SLC19A3: variants seen among roughly 807,000 people sequenced by gnomAD.
The protein encoded by SLC19A3 is thiamine transporter 2.
Under a neutral mutation model 40.2 loss-of-function variants are expected in SLC19A3, and 31 were observed. The ratio of observed to expected loss-of-function variants is 0.77; its 90% CI spans 0.58 to 1.04. SLC19A3 has a LOEUF of 1.04. Ranked by LOEUF, SLC19A3 falls within the 50% of genes least tolerant of loss-of-function variation. SLC19A3 has a pLI of 0.00. For synonymous variants in SLC19A3, 212 were observed against 227.5 expected (o/e 0.93, Z 0.61); for missense variants, 592 against 596.7 (o/e 0.99, Z 0.08).
chr2:227,699,663 G>A (rs746926483), intron 2 of SLC19A3, 99 bp from the exon 3 acceptor site: 10 of 976,780 alleles, frequency 1.0e-5, no homozygotes, highest in East Asian at 2.4e-5. Context: ...GAAATTATTC[G>A]CATTACGGAG....
intron 1 of SLC19A3, among the ~76,000 whole-genome samples, chr2:227,716,142 T>A (rs1696327815): frequency 6.6e-6 from 1 of 152,190 alleles, no homozygotes; most frequent in African/African-American, 2.4e-5. Flanking sequence ...TTTACAACTC[T>A]GTAAATTTTA....
chr2:227,709,252 C>A (rs755883426), intron 1 of SLC19A3, among the ~76,000 whole-genome samples: 1 of 152,048 alleles, frequency 6.6e-6, no homozygotes, highest in African/African-American at 2.4e-5. Context: ...GAGGCTGAGG[C>A]GGGTGGATGA....
Position 227,702,147 on chromosome 2 carries a change from A to T in SLC19A3, c.150+22T>A, listed in dbSNP as rs777385177. The stretch of plus-strand genomic sequence containing the variant: ...ATAAAATTTAAAAAACCACATTAAG[A>T]TATGTATGTATGTTAACTTACCTCT... On this transcript the variant is annotated intron_variant, in intron 2 of 5. Coordinates refer to ENST00000644224, the MANE Select transcript of SLC19A3 (RefSeq NM_025243.4). 5 of 1,599,842 alleles carry T rather than the reference A, an allele frequency of 3.1e-6. No homozygotes were observed. The South Asian group carries it at 3.3e-5, about 11-fold the overall frequency.
At position 227,715,291 on chromosome 2, in the gene SLC19A3, A is replaced by G. The variant is rs867312128; in HGVS notation, c.-3+2652T>C. 1.1e-4 allele frequency among the ~76,000 whole-genome samples: 16 copies of G among 152,202 alleles called. No individual in the cohort carries two copies. The South Asian group carries it at 2.7e-3, about 26-fold the overall frequency. Reference sequence around the variant, plus strand: ...AATCTTTGCTGAAATAAAGCATGCCACACAACTTCCAAAGACGTAAACTAG... The same window carrying G: ...AATCTTTGCTGAAATAAAGCATGCCGCACAACTTCCAAAGACGTAAACTAG... On this transcript the variant is annotated intron_variant, in intron 1 of 5. Transcript: ENST00000644224.
intron 1 of SLC19A3, among the ~76,000 whole-genome samples, chr2:227,714,826 T>A (rs1696277711): frequency 6.9e-6 from 1 of 144,356 alleles, no homozygotes; most frequent in Non-Finnish European, 1.5e-5. Context: ...TTTTTTTTTT[T>A]TTGAGACAGA....
chr2:227,701,057 G>A lies in SLC19A3; in HGVS notation c.150+1112C>T, dbSNP rs770162125. The A allele has an allele frequency of 1.0e-5, 13 of 1,304,004 alleles. No individual in the cohort carries two copies. In the Admixed American group the frequency reaches 1.1e-4, roughly 12 times the overall value. The allele number at this position is 1,304,004 out of a possible 1,614,324, so 80.8% of individuals were successfully genotyped here. On this transcript the variant is annotated intron_variant, in intron 2 of 5. Coordinates refer to ENST00000644224, the MANE Select transcript of SLC19A3 (RefSeq NM_025243.4). ...CAGAACCCAGTGGATTCATTGAGTT[G>A]CTTCTGACCCTGCATCTGTCCTTTG...
intron 1 of SLC19A3, among the ~76,000 whole-genome samples, chr2:227,704,319 C>A (rs55975119): frequency 0.16 from 24,651 of 152,212 alleles, 2,466 homozygotes; most frequent in African/African-American, 0.28. Flanking sequence ...GCATGCCTTA[C>A]AGGACAGAAA....
rs767146802 is a variant in SLC19A3 at position 227,699,108 on chromosome 2, G to A, written c.607C>T (p.Pro203Ser). ...GATGACTTCTTTATTTCTCTGCTGG[G>A]TTTTGCATGAAAAAACATGCTTTTC... ...PKKSMFFHAKPSREIKKSSSV... is the reference protein window; with the variant it reads ...PKKSMFFHAKSSREIKKSSSV... The change falls in exon 3 of 6, where the codon CCC becomes TCC. Residue 203 changes from proline (P) to serine (S), a missense_variant. Coordinates refer to ENST00000644224, the MANE Select transcript of SLC19A3 (RefSeq NM_025243.4). The A allele has an allele frequency of 5.6e-5, 90 of 1,614,132 alleles. No homozygotes were observed. Among genetic ancestry groups the A allele is most frequent in the Non-Finnish European group, 7.5e-5 (88 of 1,180,032 alleles).
At position 227,685,863 on chromosome 2, in the gene SLC19A3, T is replaced by G; in HGVS notation, c.*1534A>C. On this transcript the variant is annotated 3_prime_UTR_variant, in exon 6 of 6. Coordinates refer to ENST00000644224, the MANE Select transcript of SLC19A3 (RefSeq NM_025243.4). The stretch of plus-strand genomic sequence containing the variant: ...AAAAATGTTAACAACTCTTTAAAAT[T>G]TTTACACATTTTATTTAGCACAATT... The G allele has an allele frequency of 6.2e-6, 1 of 162,242 alleles. No individual in the cohort carries two copies. Among genetic ancestry groups the G allele is most frequent in the Non-Finnish European group, 1.4e-5 (1 of 73,882 alleles). 10.1% of individuals were successfully genotyped at this position (162,242 alleles called of 1,614,324 possible). A position where few individuals can be genotyped will look rare whatever the true frequency, so the allele number is the denominator to read the frequency against.
At chr2:227,689,745 C>G (rs1209477766) in intron 4 of SLC19A3, among the ~76,000 whole-genome samples, 1 of 152,146 alleles carries the variant, frequency 6.6e-6, no homozygotes, top group Non-Finnish European at 1.5e-5. Flanking sequence ...GTAAACTACT[C>G]TCATAAGTAG....
chr2:227,714,941 T>C (rs937677809), intron 1 of SLC19A3, among the ~76,000 whole-genome samples: 10 of 150,558 alleles, frequency 6.6e-5, no homozygotes, highest in Non-Finnish European at 1.5e-4. Context: ...CACCTCAGTC[T>C]CCTGAGTAGC....
rs1695586986 is a variant in SLC19A3, at chr2:227,699,444, T to A, written c.271A>T (p.Ile91Phe). Residue 91 changes from isoleucine (I) to phenylalanine (F), a missense_variant, in exon 3 of 6, where the codon ATC (isoleucine) becomes TTC (phenylalanine). By Grantham distance (21) the Ile-to-Phe change is conservative. Transcript: ENST00000644224. ...PVIILQGISF[I>F]ITWLLLLFGQ... ...AACAACAGCAGCAGCCAGGTAATGA[T>A]GAAACTGATACCTTGCAAGATGATG... The A allele has an allele frequency of 2.5e-6, 4 of 1,614,110 alleles. No homozygotes were observed. The highest frequency in any genetic ancestry group is 8.5e-7 in the Non-Finnish European group (1 of 1,180,034).
chr2:227,689,643 C>A (rs149593581), intron 4 of SLC19A3, among the ~76,000 whole-genome samples: 1 of 152,064 alleles, frequency 6.6e-6, no homozygotes, highest in Admixed American at 6.6e-5. Flanking sequence ...GACGTTCATG[C>A]GCAATAAGAA....
chr2:227,690,450 G>A (rs1695177962), intron 4 of SLC19A3, among the ~76,000 whole-genome samples: 2 of 152,060 alleles, frequency 1.3e-5, no homozygotes, highest in South Asian at 4.1e-4. Flanking sequence ...GCTCATGCCT[G>A]TAATCCCAGC....
In SLC19A3 at chr2:227,687,524, A is replaced by G. The variant is rs1308805272; in HGVS notation, c.1364T>C (p.Met455Thr). 1.2e-6 allele frequency: 2 copies of G among 1,614,010 alleles called. No homozygotes were observed. The highest frequency in any genetic ancestry group is 8.5e-7 in the Non-Finnish European group (1 of 1,179,996). ...YFAVIAGIFL[M>T]RSMYITYSTK... ...TGAGTAGGTAATATACATGCTTCTCATTAGGAAAATTCCAGCAATTACTGC... is the reference window on the plus strand; with the variant it reads ...TGAGTAGGTAATATACATGCTTCTCGTTAGGAAAATTCCAGCAATTACTGC... The change falls in exon 6 of 6, where the codon ATG becomes ACG. Residue 455 changes from methionine to threonine, a missense_variant. Met to Thr is a moderately conservative substitution (Grantham distance 81). Coordinates refer to ENST00000644224, the MANE Select transcript of SLC19A3 (RefSeq NM_025243.4).
intron 1 of SLC19A3, among the ~76,000 whole-genome samples, chr2:227,711,170 C>G (rs1025942439): frequency 6.6e-6 from 1 of 152,136 alleles, no homozygotes; most frequent in Non-Finnish European, 1.5e-5. Flanking sequence ...TTAATCCCAG[C>G]ATTTTGGGAG....
Position 227,703,738 on chromosome 2 carries a change from C to T in SLC19A3, c.-2-1418G>A, listed in dbSNP as rs1346773507. On this transcript the variant is annotated intron_variant, in intron 1 of 5. Coordinates refer to ENST00000644224, the MANE Select transcript of SLC19A3 (RefSeq NM_025243.4). This position sits in a 1 kb window ranked among gnomAD's most constrained non-coding sequence, Gnocchi z 4.7. Reference sequence around the variant, plus strand: ...CAGGTGATCACTGAGGCTTGGTCATCTTCTGAAGAGTGGTCTTGCTGGGGT... The same window carrying T: ...CAGGTGATCACTGAGGCTTGGTCATTTTCTGAAGAGTGGTCTTGCTGGGGT... Among the ~76,000 whole-genome samples the T allele has an allele frequency of 6.6e-6, 1 of 152,126 alleles. No individual in the cohort carries two copies. The highest frequency in any genetic ancestry group is 2.4e-5 in the African/African-American group (1 of 41,444).
At chr2:227,687,597 C>T in intron 5 of SLC19A3, 24 bp from the exon 6 acceptor site, 1 of 1,609,512 alleles carries the variant, frequency 6.2e-7, no homozygotes, top group Non-Finnish European at 8.5e-7. Flanking sequence ...AATAATTAGC[C>T]ACATATAAAA....
chr2:227,697,703 C>T (rs1277137594), intron 3 of SLC19A3, among the ~76,000 whole-genome samples: 2 of 152,012 alleles, frequency 1.3e-5, no homozygotes, highest in African/African-American at 4.8e-5. Context: ...ATGTTATTAA[C>T]CTTTGTGCTA....
Sources: allele counts gnomAD v4.1 joint callset (sites outside exome capture counted in the v4.1 genomes callset), GRCh38; gene constraint gnomAD v4.1.1; non-coding constraint Gnocchi (gnomAD v3.1); transcripts MANE v1.5; gene names NCBI Gene and HGNC (gene_info 2026-07-23, HGNC 2026-07-21).